The following ANK3 variants were observed in gnomAD, a reference collection of about 807,000 sequenced individuals.
ANK3 encodes ankyrin 3, also known as ankyrin-3.
A neutral mutation model predicts 370.9 loss-of-function variants in ANK3; 57 were observed. The ratio of observed to expected loss-of-function variants is 0.15; its 90% CI spans 0.12 to 0.19. The LOEUF (loss-of-function observed/expected upper bound fraction) is 0.19, where lower values mean the gene tolerates loss of function less well. Among genes scored for constraint, ANK3 ranks in the 10% least tolerant of loss-of-function variants. The pLI is 1.00. For missense variants in ANK3, 4,439 were observed against 5,302.1 expected (o/e 0.84, Z 5.06); for synonymous variants, 1,929 against 1,946.3 (o/e 0.99, Z 0.23).
intron 7 of ANK3, among the ~76,000 whole-genome samples, chr10:60,245,997 T>C (rs967564010): frequency 3.3e-5 from 5 of 152,184 alleles, no homozygotes; most frequent in African/African-American, 1.2e-4. Context: ...GGATGACACC[T>C]GTAATCCCAG....
At chr10:60,593,122 G>T (rs968918262) in intron 2 of ANK3, among the ~76,000 whole-genome samples, 4 of 152,124 alleles carry the variant, frequency 2.6e-5, no homozygotes, top group African/African-American at 9.7e-5. Flanking sequence ...GAGTTGCCAA[G>T]GGCTACCTTA....
intron 2 of ANK3, among the ~76,000 whole-genome samples, chr10:60,533,529 T>C (rs2076655127): frequency 6.6e-6 from 1 of 152,096 alleles, no homozygotes; most frequent in Non-Finnish European, 1.5e-5. Context: ...TACAGCCTAG[T>C]AGTATCATGG....
chr10:60,140,046 C>T (rs1028745363), intron 23 of ANK3: 32 of 442,176 alleles, frequency 7.2e-5, no homozygotes, highest in African/African-American at 3.5e-4. Flanking sequence ...GTTGTGTTTT[C>T]TCAAAGGTAA....
chr10:60,461,514 G>T (rs2064883437), intron 2 of ANK3, among the ~76,000 whole-genome samples: 1 of 152,082 alleles, frequency 6.6e-6, no homozygotes. Flanking sequence ...GACGGCCAGG[G>T]TGGGCCCAAT....
chr10:60,456,599 C>T (rs1033245354), intron 2 of ANK3, among the ~76,000 whole-genome samples: 13 of 152,128 alleles, frequency 8.5e-5, no homozygotes, highest in African/African-American at 3.1e-4. Flanking sequence ...TGTCTTCTAA[C>T]TGTATCCTAA....
At chr10:60,141,145 TAACTCTC>T (rs1002215998) in intron 23 of ANK3, 1 of 449,056 alleles carries the variant, frequency 2.2e-6, no homozygotes, top group African/African-American at 2.1e-5. Flanking sequence ...GTGATTCCCA[TAACTCTC>T]CAAGAGGCAC....
intron 34 of ANK3, 182 bp downstream of exon 34, chr10:60,082,433 A>G (rs1011450760): frequency 1.2e-6 from 1 of 843,552 alleles, no homozygotes; most frequent in Non-Finnish European, 1.8e-6. Flanking sequence ...AGAAGACTCC[A>G]TCATACAAAC....
At position 60,673,874 on chromosome 10, in the gene ANK3, GA is replaced by G. The variant is rs201746112; in HGVS notation, c.58-58651del. ...AGTAGTCCAATTAGAAGCATGAGTT[GA>G]AATCAGCATGATGCAAGGTGTTTGG... is the stretch of plus-strand genomic sequence containing the variant. On this transcript the variant is annotated intron_variant, in intron 1 of 43. Coordinates refer to the ANK3 transcript ENST00000373827. 5.3e-3 allele frequency among the ~76,000 whole-genome samples: 804 copies of G among 152,276 alleles called. 7 individuals carry two copies. Among genetic ancestry groups the G allele is most frequent in the African/African-American group, 0.018 (758 of 41,550 alleles).
chr10:60,587,386 C>T (rs940333797), intron 2 of ANK3, among the ~76,000 whole-genome samples: 1 of 152,154 alleles, frequency 6.6e-6, no homozygotes, highest in Non-Finnish European at 1.5e-5. Flanking sequence ...ATTAGAGTTT[C>T]CCTAACTAAT....
intron 2 of ANK3, among the ~76,000 whole-genome samples, chr10:60,440,556 C>T (rs548050402): frequency 5.3e-5 from 8 of 152,228 alleles, no homozygotes; most frequent in African/African-American, 1.9e-4. Flanking sequence ...ATCCTCTCAC[C>T]TCCCATCAGG....
intron 14 of ANK3, among the ~76,000 whole-genome samples, 153 bp downstream of exon 14, chr10:60,198,187 C>T (rs567882684): frequency 9.5e-4 from 145 of 152,304 alleles, no homozygotes; most frequent in African/African-American, 3.3e-3. Flanking sequence ...TTACCCTCTC[C>T]CACCACAGAG....
In ANK3 at chr10:60,427,122, T is replaced by C. The variant is rs143979256; in HGVS notation, c.97-147483A>G. 1.8e-3 allele frequency among the ~76,000 whole-genome samples: 274 copies of C among 152,290 alleles called. 3 individuals are homozygous for C. The highest frequency in any genetic ancestry group is 3.3e-3 in the Non-Finnish European group (224 of 67,996). ...TTGCTGAAGTTCATGAAGAGAATAA[T>C]TCACAGAGTCAGAGCAATATTTATA... On this transcript the variant is annotated intron_variant, in intron 2 of 43. Coordinates refer to the ANK3 transcript ENST00000373827.
At chr10:60,533,915 AT>A (rs2076663171) in intron 2 of ANK3, among the ~76,000 whole-genome samples, 1 of 152,128 alleles carries the variant, frequency 6.6e-6, no homozygotes, top group South Asian at 2.1e-4. Flanking sequence ...AAAATATTTA[AT>A]AAAAAATTAA....
At chr10:60,146,123 T>C (rs928761568) in intron 23 of ANK3, 25 of 1,471,306 alleles carry the variant, frequency 1.7e-5, no homozygotes, top group Middle Eastern at 4.8e-4. Context: ...AGAAACAGTA[T>C]TGTCACTTAC....
chr10:60,062,477 C>T (rs1372806683), intron 40 of ANK3: 2 of 152,094 alleles, frequency 1.3e-5, no homozygotes, highest in Admixed American at 6.5e-5. Context: ...ACATGTATGC[C>T]GACTGAATTA....
At position 60,278,645 on chromosome 10, in the gene ANK3, A is replaced by G. The variant is rs1007257766; in HGVS notation, c.414+129T>C. On this transcript the variant is annotated intron_variant, in intron 4 of 43. Transcript: ENST00000280772. ...CTTTGCCTTCCAAAGTGTGCCAAAT[A>G]TAACTTTTTAAATATAGTTCTTAAG... 20 of 776,698 alleles carry G rather than the reference A, an allele frequency of 2.6e-5. No homozygotes were observed. In the African/African-American group the frequency reaches 2.6e-4, roughly 10 times the overall value. The allele number at this position is 776,698 out of a possible 1,614,324, so 48.1% of individuals were successfully genotyped here.
chr10:60,176,160 C>G (rs1191205450), intron 18 of ANK3, among the ~76,000 whole-genome samples: 1 of 148,630 alleles, frequency 6.7e-6, no homozygotes, highest in Non-Finnish European at 1.5e-5. Context: ...TGGCAAAAAC[C>G]CTGTCTCTGC....
intron 1 of ANK3, among the ~76,000 whole-genome samples, chr10:60,287,481 A>G (rs1387009754): frequency 6.6e-6 from 1 of 152,182 alleles, no homozygotes; most frequent in Non-Finnish European, 1.5e-5. Flanking sequence ...GGGTTCTAAG[A>G]AAGTCAAGAT....
At chr10:60,330,884 A>T (rs1391494817) in intron 1 of ANK3, among the ~76,000 whole-genome samples, 2 of 152,338 alleles carry the variant, frequency 1.3e-5, no homozygotes, top group East Asian at 3.9e-4. Flanking sequence ...CATCAATGTT[A>T]GACTGGATGA....
Sources: allele counts gnomAD v4.1 joint callset (sites outside exome capture counted in the v4.1 genomes callset), GRCh38; gene constraint gnomAD v4.1.1; transcripts MANE v1.5; gene names NCBI Gene and HGNC (gene_info 2026-07-23, HGNC 2026-07-21).